Variants in ALOX12B observed in about 807,000 individuals in gnomAD.
The protein encoded by ALOX12B is arachidonate 12-lipoxygenase, 12R type.
Under a neutral mutation model 78.9 loss-of-function variants are expected in ALOX12B, and 47 were observed. The ratio of observed to expected loss-of-function variants is 0.60; its 90% confidence interval spans 0.47 to 0.76. The LOEUF (loss-of-function observed/expected upper bound fraction) is 0.76, where lower values mean the gene tolerates loss of function less well. ALOX12B is among the 30% of genes least tolerant of loss of function. The probability of loss-of-function intolerance (pLI) is 0.00; values close to 1 mark genes in which losing one functional copy is unlikely to be tolerated. For synonymous variants in ALOX12B, 370 were observed against 374.5 expected (o/e 0.99, Z 0.14); for missense variants, 805 against 922.6 (o/e 0.87, Z 1.65).
chr17:8,078,769 C>A (rs1172668355), intron 8 of ALOX12B, among the ~76,000 whole-genome samples: 2 of 152,088 alleles, frequency 1.3e-5, no homozygotes, highest in Admixed American at 6.5e-5. Flanking sequence ...CAAACCTGAG[C>A]TGCTCCCAGC....
intron 14 of ALOX12B, 24 bp downstream of exon 14, chr17:8,073,122 TCA>T (rs777651519): frequency 3.7e-6 from 6 of 1,613,822 alleles, no homozygotes; most frequent in Non-Finnish European, 5.1e-6. Flanking sequence ...CTCCCTGTGC[TCA>T]GAGTCCCCCA....
rs764777428 is a variant in ALOX12B at position 8,073,136 on chromosome 17, C to T, written c.1926+12G>A. The T allele has an allele frequency of 1.2e-6, 2 of 1,614,112 alleles. No individual in the cohort carries two copies. The highest frequency in any genetic ancestry group is 1.7e-6 in the Non-Finnish European group (2 of 1,180,044). ...CCTCCCTGTGCTCAGAGTCCCCCAT[C>T]CCGTCTCGCACCCTGTCGTCAGGCT... On this transcript the variant is annotated intron_variant, in intron 14 of 14. Coordinates refer to ENST00000647874, the MANE Select transcript of ALOX12B (RefSeq NM_001139.3).
At chr17:8,076,390 A>G in intron 10 of ALOX12B, 46 bp from the exon 11 acceptor site, 2 of 1,555,058 alleles carry the variant, frequency 1.3e-6, no homozygotes, top group African/African-American at 2.7e-5. Flanking sequence ...GCATCCCTGG[A>G]ACCCCTTCAG....
chr17:8,080,120 G>A lies in ALOX12B; in HGVS notation c.754+115C>T, dbSNP rs1425126199. 12 of 1,427,034 alleles carry A rather than the reference G, an allele frequency of 8.4e-6. No individual in the cohort carries two copies. In the African/African-American group the frequency reaches 1.4e-4, roughly 17 times the overall value. The allele number at this position is 1,427,034 out of a possible 1,614,324, so 88.4% of individuals were successfully genotyped here. A position where few individuals can be genotyped will look rare whatever the true frequency, so the allele number is the denominator to read the frequency against. ...ACATTTTCCAAGAAGCCGCCAGAGG[G>A]CGCGCGCGCGCCTCGCTGCCTCTCC... On this transcript the variant is annotated intron_variant, in intron 6 of 14. Coordinates refer to ENST00000647874, the MANE Select transcript of ALOX12B (RefSeq NM_001139.3). The surrounding 1 kb of genome is among the most constrained non-coding windows in gnomAD (Gnocchi z 4.8).
intron 3 of ALOX12B, 44 bp downstream of exon 3, chr17:8,081,062 T>G (rs1227363183): frequency 6.2e-7 from 1 of 1,611,682 alleles, no homozygotes; most frequent in South Asian, 1.1e-5. Context: ...CCCACCTCCC[T>G]GGACCCCTGC....
At chr17:8,075,229 C>A (rs1756134804) in intron 12 of ALOX12B, among the ~76,000 whole-genome samples, 1 of 151,984 alleles carries the variant, frequency 6.6e-6, no homozygotes, top group African/African-American at 2.4e-5. Context: ...CACCCTTCTC[C>A]TGGAGCTGCC....
At chr17:8,076,615 G>A (rs1266522439) in intron 10 of ALOX12B, 42 bp downstream of exon 10, 6 of 1,535,560 alleles carry the variant, frequency 3.9e-6, no homozygotes, top group Non-Finnish European at 5.3e-6. Context: ...AAAGGCCAGA[G>A]GAAAACAAAT....
chr17:8,086,582 C>A (rs112722404), intron 1 of ALOX12B, among the ~76,000 whole-genome samples: 2 of 152,310 alleles, frequency 1.3e-5, no homozygotes, highest in Admixed American at 6.5e-5. Flanking sequence ...GCCCAGCCAG[C>A]CCCTTCTCCC....
At chr17:8,075,049 A>T (rs58442677) in intron 12 of ALOX12B, among the ~76,000 whole-genome samples, 4,501 of 152,046 alleles carry the variant, frequency 0.03, 221 homozygotes, top group African/African-American at 0.1. Context: ...CCCACAACTT[A>T]CTTTAGGGAA....
rs781757357 is a variant in ALOX12B at position 8,073,644 on chromosome 17, A to T, written c.1755+13T>A. The T allele has an allele frequency of 3.0e-5, 48 of 1,612,424 alleles. No homozygotes were observed. In the Middle Eastern group the frequency reaches 9.9e-4, roughly 33 times the overall value. ...GCCTCGGGCTGGGCCTGGGTTGGTG[A>T]GACCACCGGTACCTGGCCTGTGTTG... On this transcript the variant is annotated intron_variant, in intron 13 of 14. Transcript: ENST00000647874.
At chr17:8,073,465 TG>T in intron 13 of ALOX12B, 147 bp from the exon 14 acceptor site, 1 of 835,742 alleles carries the variant, frequency 1.2e-6, no homozygotes, top group Non-Finnish European at 1.8e-6. Context: ...AGACTGGGGG[TG>T]GGGCTGGGTG....
At chr17:8,076,799 C>G in intron 9 of ALOX12B, 56 bp from the exon 10 acceptor site, 3 of 1,513,166 alleles carry the variant, frequency 2.0e-6, no homozygotes, top group African/African-American at 1.4e-5. Flanking sequence ...CCCAAAGGAG[C>G]TCAGCTCCCC....
At chr17:8,076,892 G>A (rs1376951164) in intron 9 of ALOX12B, 98 bp downstream of exon 9, 1 of 1,445,492 alleles carries the variant, frequency 6.9e-7, no homozygotes, top group Non-Finnish European at 9.5e-7. Flanking sequence ...CCCCCAGGCT[G>A]ACTGGAGTCT....
chr17:8,084,405 C>T (rs1326287264), intron 2 of ALOX12B, among the ~76,000 whole-genome samples: 4 of 152,180 alleles, frequency 2.6e-5, no homozygotes, highest in Admixed American at 6.5e-5. Flanking sequence ...AGACCTAGCT[C>T]GTTTTCATCC....
chr17:8,086,286 T>TC lies in ALOX12B; in HGVS notation c.148-67dup, dbSNP rs146068538. On this transcript the variant is annotated intron_variant, in intron 1 of 14. Coordinates refer to ENST00000647874, the MANE Select transcript of ALOX12B (RefSeq NM_001139.3). The stretch of plus-strand genomic sequence containing the variant: ...CCCCGGCTCCCAGGCCGCCCACCCC[T>TC]CTGGCCCCTCACCTAGGCCCTGCTC... 31,428 of 1,523,718 alleles carry TC rather than the reference T, an allele frequency of 0.021. 3,199 individuals are homozygous for TC. In the African/African-American group the frequency reaches 0.28, roughly 14 times the overall value. The allele number at this position is 1,523,718 out of a possible 1,614,324, so 94.4% of individuals were successfully genotyped here. A position where few individuals can be genotyped will look rare whatever the true frequency, so the allele number is the denominator to read the frequency against.
intron 10 of ALOX12B, 66 bp downstream of exon 10, chr17:8,076,591 C>A: frequency 6.7e-7 from 1 of 1,498,368 alleles, no homozygotes; most frequent in Non-Finnish European, 9.1e-7. Flanking sequence ...AAGTCCTCCT[C>A]TTCATCTAAC....
chr17:8,081,010 C>T (rs1410703590), intron 3 of ALOX12B, 34 bp from the exon 4 acceptor site: 7 of 1,613,718 alleles, frequency 4.3e-6, no homozygotes, highest in Non-Finnish European at 5.9e-6. Context: ...CCCTCATGCC[C>T]GTGCACCACC....
intron 13 of ALOX12B, 70 bp from the exon 14 acceptor site, chr17:8,073,388 A>T (rs1309797897): frequency 6.3e-7 from 1 of 1,591,944 alleles, no homozygotes; most frequent in Non-Finnish European, 8.6e-7. Flanking sequence ...CCAGGTGCTG[A>T]CCACCCGCCC....
intron 2 of ALOX12B, among the ~76,000 whole-genome samples, chr17:8,083,618 A>G (rs1978289964): frequency 6.6e-6 from 1 of 152,092 alleles, no homozygotes. Context: ...AATCCCAGCT[A>G]CTCTGGAGGC....
Sources: allele counts gnomAD v4.1 joint callset (sites outside exome capture counted in the v4.1 genomes callset), GRCh38; gene constraint gnomAD v4.1.1; non-coding constraint Gnocchi (gnomAD v3.1); transcripts MANE v1.5; gene names NCBI Gene and HGNC (gene_info 2026-07-23, HGNC 2026-07-21).